ZNF555: variants seen among roughly 807,000 people sequenced by gnomAD.
The protein encoded by ZNF555 is zinc finger protein 555.
Under a neutral mutation model 14.0 loss-of-function variants are expected in ZNF555, and 10 were observed. That is an observed-to-expected ratio of 0.72 (90% CI 0.44 to 1.21). The LOEUF is 1.21. Ranked by LOEUF, ZNF555 falls within the 50% of genes most tolerant of loss-of-function variation. ZNF555 has a pLI of 0.00. For synonymous variants in ZNF555, 277 were observed against 262.4 expected, an observed-to-expected ratio of 1.06 and a Z score of -0.54; for missense variants, 747 against 762.0, an observed-to-expected ratio of 0.98 and a Z score of 0.23.
In ZNF555 at chr19:2,852,505, C is replaced by T. The variant is rs199674173; in HGVS notation, c.440C>T (p.Thr147Met). Residue 147 changes from threonine to methionine, a missense_variant, in exon 4 of 4, where the codon ACG becomes ATG. Coordinates refer to ENST00000334241, the MANE Select transcript of ZNF555 (RefSeq NM_152791.5). ...GGAGTAAAACAGTATGAATACAACA[C>T]GTACGGAAAAGTCTTCATGCATCGC... The part of the protein sequence containing the change: ...PPGVKQYEYN[T>M]YGKVFMHRRT... The T allele has an allele frequency of 1.2e-4, 196 of 1,614,030 alleles. No individual in the cohort carries two copies. Among genetic ancestry groups the T allele is most frequent in the East Asian group, 4.9e-4 (22 of 44,886 alleles).
chr19:2,858,246 G>A lies in ZNF555; in HGVS notation c.*4294G>A, dbSNP rs1046597651. On this transcript the variant is annotated 3_prime_UTR_variant, in exon 4 of 4. Transcript: ENST00000334241. ...CTCTGGAGGAAATGTAGGGCTGGTT[G>A]ACAAGGACTTGTGCCTCGTCAGACC... The A allele has an allele frequency of 6.6e-5, 10 of 152,256 alleles. No individual in the cohort carries two copies. The highest frequency in any genetic ancestry group is 2.2e-4 in the African/African-American group (9 of 41,434). 9.4% of individuals were successfully genotyped at this position (152,256 alleles called of 1,614,324 possible). A position where few individuals can be genotyped will look rare whatever the true frequency, so the allele number is the denominator to read the frequency against.
chr19:2,850,850 T>C (rs1159813149), intron 2 of ZNF555, 137 bp downstream of exon 2: 16 of 1,081,524 alleles, frequency 1.5e-5, no homozygotes, highest in Non-Finnish European at 2.1e-5. Flanking sequence ...ACAGCTGTCA[T>C]AGAGCTAGAA....
chr19:2,841,696 C>T (rs1034930067), intron 1 of ZNF555, 121 bp downstream of exon 1: 15 of 1,226,686 alleles, frequency 1.2e-5, no homozygotes, highest in African/African-American at 1.6e-5. Flanking sequence ...CGGCGCAGGA[C>T]GGGAGCCTGG....
chr19:2,844,098 CTTTTTTTT>C (rs1215032735), intron 1 of ZNF555, among the ~76,000 whole-genome samples: 1 of 58,146 alleles, frequency 1.7e-5, no homozygotes, highest in Non-Finnish European at 3.9e-5. Context: ...TCTCTCTTTT[CTTTTTTTT>C]TTTTTTTTTT....
rs941118597 is a variant in ZNF555 at position 2,856,526 on chromosome 19, G to T, written c.*2574G>T. The T allele has an allele frequency of 6.6e-6, 1 of 152,182 alleles. No individual in the cohort carries two copies. Among genetic ancestry groups the T allele is most frequent in the Non-Finnish European group, 1.5e-5 (1 of 68,050 alleles). The allele number at this position is 152,182 out of a possible 1,614,324, so 9.4% of individuals were successfully genotyped here. A position where few individuals can be genotyped will look rare whatever the true frequency, so the allele number is the denominator to read the frequency against. ...GGCCTAAAATGATTTCTTATTTGTG[G>T]TTAATAACAATTAAAAAGCGGAAAT... is the stretch of plus-strand genomic sequence containing the variant. On this transcript the variant is annotated 3_prime_UTR_variant, in exon 4 of 4. Transcript: ENST00000334241.
intron 3 of ZNF555, 115 bp from the exon 4 acceptor site, chr19:2,852,265 C>A: frequency 7.8e-7 from 1 of 1,275,030 alleles, no homozygotes; most frequent in South Asian, 1.4e-5. Context: ...TCAGACAGTT[C>A]CCATGGGGTG....
Position 2,851,649 on chromosome 19 carries a change from C to A in ZNF555, c.312C>A (p.Leu104=), listed in dbSNP as rs2087631525. The A allele has an allele frequency of 1.9e-6, 3 of 1,572,678 alleles. No individual in the cohort carries two copies. The highest frequency in any genetic ancestry group is 4.6e-5 in the East Asian group (2 of 43,456). The change falls in exon 3 of 4, where the codon CTC becomes CTA. Residue 104 remains leucine (L), a splice_region_variant and synonymous_variant. Transcript: ENST00000334241. ...AAACCACAAACCAGGGGAGAAATCT[C>A]AGGTGAGTTGCACTCACAAGAGAAC... ...EDQTTNQGRN[L]SRNHGLERLC...
intron 3 of ZNF555, 53 bp from the exon 4 acceptor site, chr19:2,852,327 A>G: frequency 6.2e-7 from 1 of 1,605,272 alleles, no homozygotes; most frequent in Non-Finnish European, 8.5e-7. Context: ...TAATCCTAAT[A>G]AATACTAACA....
intron 3 of ZNF555, among the ~76,000 whole-genome samples, chr19:2,851,911 A>T (rs1318259238): frequency 6.6e-6 from 1 of 152,158 alleles, no homozygotes; most frequent in Admixed American, 6.5e-5. Flanking sequence ...GGCACTTTGG[A>T]AGGCTGAAGT....
At chr19:2,842,129 G>T (rs1415025168) in intron 1 of ZNF555, among the ~76,000 whole-genome samples, 1 of 152,094 alleles carries the variant, frequency 6.6e-6, no homozygotes, top group South Asian at 2.1e-4. Flanking sequence ...GGGGACCCTG[G>T]GTTCCTCCCG....
Position 2,859,043 on chromosome 19 carries a change from A to G in ZNF555, c.*5091A>G, listed in dbSNP as rs1203534815. ...GCGCCCTCCTCAGGAGCAGCCTCAA[A>G]GCGCGCAGCCTCAGCCCATTGGCCT... On this transcript the variant is annotated 3_prime_UTR_variant, in exon 4 of 4. Coordinates refer to ENST00000334241, the MANE Select transcript of ZNF555 (RefSeq NM_152791.5). The G allele has an allele frequency of 2.6e-5, 4 of 152,318 alleles. No homozygotes were observed. The highest frequency in any genetic ancestry group is 5.9e-5 in the Non-Finnish European group (4 of 68,122). The allele number at this position is 152,318 out of a possible 1,614,324, so 9.4% of individuals were successfully genotyped here.
rs976349143 is a variant in ZNF555, at chr19:2,856,411, G to A, written c.*2459G>A. On this transcript the variant is annotated 3_prime_UTR_variant, in exon 4 of 4. Transcript: ENST00000334241. ...GTAGAGATGGGGTTTCACCATGTTGGCCAGGCTGGTCTTGAACTCCTGACC... is the reference window on the plus strand; with the variant it reads ...GTAGAGATGGGGTTTCACCATGTTGACCAGGCTGGTCTTGAACTCCTGACC... 8.5e-5 allele frequency: 13 copies of A among 152,110 alleles called. No homozygotes were observed. The highest frequency in any genetic ancestry group is 3.1e-4 in the African/African-American group (13 of 41,396). The allele number at this position is 152,110 out of a possible 1,614,324, so 9.4% of individuals were successfully genotyped here.
rs1048879484 is a variant in ZNF555, at chr19:2,854,673, A to G, written c.*721A>G. 2.0e-5 allele frequency: 3 copies of G among 152,248 alleles called. No homozygotes were observed. Among genetic ancestry groups the G allele is most frequent in the Admixed American group, 6.5e-5 (1 of 15,286 alleles). The allele number at this position is 152,248 out of a possible 1,614,324, so 9.4% of individuals were successfully genotyped here. A position where few individuals can be genotyped will look rare whatever the true frequency, so the allele number is the denominator to read the frequency against. On this transcript the variant is annotated 3_prime_UTR_variant, in exon 4 of 4. Transcript: ENST00000334241. Reference sequence around the variant, plus strand: ...ATGCATAGGGGCTTTGTGAACATCAACCTTCAGCTTATTTTCCAGATTCTT... The same window carrying G: ...ATGCATAGGGGCTTTGTGAACATCAGCCTTCAGCTTATTTTCCAGATTCTT...
rs2087691697 is a variant in ZNF555, at chr19:2,857,335, T to G, written c.*3383T>G. On this transcript the variant is annotated 3_prime_UTR_variant, in exon 4 of 4. Coordinates refer to ENST00000334241, the MANE Select transcript of ZNF555 (RefSeq NM_152791.5). Reference sequence around the variant, plus strand: ...GTAGCTCATGATGATGGAATCAAGTTTGAAGGCTTAACCTGTGCTTAACCT... The same window carrying G: ...GTAGCTCATGATGATGGAATCAAGTGTGAAGGCTTAACCTGTGCTTAACCT... The G allele has an allele frequency of 6.6e-6, 1 of 152,182 alleles. No homozygotes were observed. Among genetic ancestry groups the G allele is most frequent in the South Asian group, 2.1e-4 (1 of 4,832 alleles). 9.4% of individuals were successfully genotyped at this position (152,182 alleles called of 1,614,324 possible).
chr19:2,853,392 A>G lies in ZNF555; in HGVS notation c.1327A>G (p.Met443Val). 1 of 1,613,946 alleles carries G rather than the reference A, an allele frequency of 6.2e-7. No homozygotes were observed. Among genetic ancestry groups the G allele is most frequent in the Non-Finnish European group, 8.5e-7 (1 of 1,179,944 alleles). ...FNWPISLRKHMRTHTREKPYE... is the reference protein window; with the variant it reads ...FNWPISLRKHVRTHTREKPYE... The stretch of plus-strand genomic sequence containing the variant: ...TTGGCCCATATCTTTACGAAAACAT[A>G]TGAGAACACATACTAGAGAGAAACC... Residue 443 changes from methionine to valine, a missense_variant, in exon 4 of 4, where the codon ATG becomes GTG. Transcript: ENST00000334241.
Position 2,853,158 on chromosome 19 carries a change from G to T in ZNF555, c.1093G>T (p.Glu365Ter). 6.2e-7 allele frequency: 1 copy of T among 1,614,192 alleles called. No homozygotes were observed. The highest frequency in any genetic ancestry group is 8.5e-7 in the Non-Finnish European group (1 of 1,180,032). ...FRRHERIHTG[E>*]KPYECKQCGK... ...AAGACATGAAAGGATTCACACTGGA[G>T]AGAAACCCTACGAATGCAAACAGTG... The change falls in exon 4 of 4, where the codon GAG becomes TAG. Residue 365 changes from glutamate (E) to a stop codon, truncating the protein, a stop_gained. Transcript: ENST00000334241. LOFTEE classifies it low-confidence loss of function (END_TRUNC).
At chr19:2,843,037 C>T (rs367973405) in intron 1 of ZNF555, among the ~76,000 whole-genome samples, 2 of 147,438 alleles carry the variant, frequency 1.4e-5, no homozygotes, top group African/African-American at 2.5e-5. Context: ...AGCGAGACTC[C>T]GTCTCAAAAA....
Position 2,854,090 on chromosome 19 carries a change from T to A in ZNF555, c.*138T>A. ...GAACAGGTAGTTTCTTACGATTCAG[T>A]AAATAAAACTTTCATCTTAGAGTGT... On this transcript the variant is annotated 3_prime_UTR_variant, in exon 4 of 4. Coordinates refer to ENST00000334241, the MANE Select transcript of ZNF555 (RefSeq NM_152791.5). 1 of 1,062,216 alleles carries A rather than the reference T, an allele frequency of 9.4e-7. No individual in the cohort carries two copies. Among genetic ancestry groups the A allele is most frequent in the South Asian group, 1.7e-5 (1 of 60,498 alleles). 65.8% of individuals were successfully genotyped at this position (1,062,216 alleles called of 1,614,324 possible).
rs891187824 is a variant in ZNF555 at position 2,860,100 on chromosome 19, G to C, written c.*6148G>C. On this transcript the variant is annotated 3_prime_UTR_variant, in exon 4 of 4. Transcript: ENST00000334241. ...GAAGGAAAACAAAGATGGACTTAAG[G>C]GGTGCAGAGGGCCTGGACTATGTGT... 1.3e-5 allele frequency: 2 copies of C among 152,276 alleles called. No individual in the cohort carries two copies. Among genetic ancestry groups the C allele is most frequent in the Non-Finnish European group, 2.9e-5 (2 of 68,078 alleles). The allele number at this position is 152,276 out of a possible 1,614,324, so 9.4% of individuals were successfully genotyped here. A position where few individuals can be genotyped will look rare whatever the true frequency, so the allele number is the denominator to read the frequency against.
Sources: allele counts gnomAD v4.1 joint callset (sites outside exome capture counted in the v4.1 genomes callset), GRCh38; gene constraint gnomAD v4.1.1; transcripts MANE v1.5; gene names NCBI Gene and HGNC (gene_info 2026-07-23, HGNC 2026-07-21).